TCF3: variants seen among roughly 807,000 people sequenced by gnomAD.
The protein encoded by TCF3 is transcription factor E2-alpha.
A neutral mutation model predicts 72.3 loss-of-function variants in TCF3; 54 were observed. That is an observed-to-expected ratio of 0.75 (90% CI 0.60 to 0.94). The LOEUF is 0.94. Among genes scored for constraint, TCF3 ranks in the 40% least tolerant of loss-of-function variants. The pLI, the probability that TCF3 is intolerant of heterozygous loss-of-function variation, is 0.00. For missense variants in TCF3, 1,078 were observed against 934.4 expected, an observed-to-expected ratio of 1.15 and a Z score of -2.00; for synonymous variants, 525 against 412.6, an observed-to-expected ratio of 1.27 and a Z score of -3.30.
chr19:1,624,951 T>A (rs1027419926), intron 7 of TCF3, among the ~76,000 whole-genome samples: 1 of 152,236 alleles, frequency 6.6e-6, no homozygotes, highest in Admixed American at 6.5e-5. Flanking sequence ...GGTCAAACCA[T>A]CCTCCTGCCT....
chr19:1,619,821 C>T lies in TCF3; in HGVS notation c.1126G>A (p.Gly376Ser), dbSNP rs759970483. 2.0e-5 allele frequency: 32 copies of T among 1,576,618 alleles called. No individual in the cohort carries two copies. The highest frequency in any genetic ancestry group is 1.7e-4 in the Middle Eastern group (1 of 5,738). ...TSQWPRAGAP[G>S]ALSPSYDGGL... is the part of the protein sequence containing the mutation. ...CCGTCGTAGCTGGGCGATAAGGCAC[C>T]GGGGGCTCCTGCTCGAGGCCACTGT... The change falls in exon 14 of 19, where the codon GGT (glycine) becomes AGT (serine). Residue 376 changes from glycine (G) to serine (S), a missense_variant. Gly to Ser is a moderately conservative substitution (Grantham distance 56). Transcript: ENST00000262965.
intron 2 of TCF3, among the ~76,000 whole-genome samples, chr19:1,647,413 A>G (rs986260183): frequency 2.0e-5 from 3 of 152,220 alleles, no homozygotes; most frequent in Admixed American, 6.5e-5. Flanking sequence ...GCCAGCCAGG[A>G]GGCGAAGGCA....
chr19:1,647,220 G>A (rs551952087), intron 2 of TCF3, among the ~76,000 whole-genome samples: 4 of 151,640 alleles, frequency 2.6e-5, no homozygotes, highest in Admixed American at 6.6e-5. Context: ...CGGGCTCAGC[G>A]GCATTAACCG....
chr19:1,624,594 C>T (rs1019687967), intron 7 of TCF3, among the ~76,000 whole-genome samples: 11 of 152,344 alleles, frequency 7.2e-5, no homozygotes, highest in East Asian at 1.9e-4. Context: ...GACTATCCCA[C>T]GCAGTCAGGC....
rs1171355895 is a variant in TCF3 at position 1,650,195 on chromosome 19, G to A, written c.54C>T (p.Asp18=). 8.3e-6 allele frequency: 13 copies of A among 1,572,352 alleles called. No individual in the cohort carries two copies. Among genetic ancestry groups the A allele is most frequent in the African/African-American group, 1.3e-5 (1 of 74,722 alleles). The change falls in exon 2 of 19, where the codon GAC becomes GAT. Residue 18 remains aspartate, a synonymous_variant. Coordinates refer to ENST00000262965, the MANE Select transcript of TCF3 (RefSeq NM_003200.5). ...GGCTCACCATGCTGAAGTCCAGGAG[G>A]TCACTGAGCTCCTTGTCTGTGCCCA... ...APVGTDKELS[D]LLDFSMMFPL...
At chr19:1,644,207 G>T (rs1031040611) in intron 3 of TCF3, among the ~76,000 whole-genome samples, 1 of 152,234 alleles carries the variant, frequency 6.6e-6, no homozygotes, top group Admixed American at 6.5e-5. Context: ...TGAACCTGAC[G>T]ATGGAAGAGA....
At chr19:1,645,513 G>C (rs780014212) in intron 3 of TCF3, among the ~76,000 whole-genome samples, 2 of 151,210 alleles carry the variant, frequency 1.3e-5, no homozygotes, top group Middle Eastern at 3.4e-3. Flanking sequence ...CAGGGCGTCC[G>C]TACGGGCTGC....
At chr19:1,638,251 G>A (rs577449234) in intron 3 of TCF3, among the ~76,000 whole-genome samples, 2 of 152,366 alleles carry the variant, frequency 1.3e-5, no homozygotes, top group African/African-American at 4.8e-5. Context: ...TGACGCAAAA[G>A]ATAGATGCCA....
In TCF3 at chr19:1,619,769, C is replaced by T. The variant is rs563817488; in HGVS notation, c.1167+11G>A. 6.5e-7 allele frequency: 1 copy of T among 1,536,532 alleles called. No individual in the cohort carries two copies. The highest frequency in any genetic ancestry group is 8.8e-7 in the Non-Finnish European group (1 of 1,135,404). ...CGGGGAAGGGTGGGGTGGGGCGGGG[C>T]AGGCACTCACCAGGCCGTGGAGACC... On this transcript the variant is annotated intron_variant, in intron 14 of 18. Transcript: ENST00000262965.
intron 16 of TCF3, among the ~76,000 whole-genome samples, chr19:1,617,668 C>A (rs1599522176): frequency 1.3e-5 from 2 of 152,370 alleles, no homozygotes; most frequent in East Asian, 3.9e-4. Flanking sequence ...CCACCAGGAC[C>A]AGCCCAGGCC....
At position 1,621,857 on chromosome 19, in the gene TCF3, G is replaced by A. The variant is rs377363979; in HGVS notation, c.936C>T (p.Ser312=). 121 of 1,592,104 alleles carry A rather than the reference G, an allele frequency of 7.6e-5. No individual in the cohort carries two copies. The highest frequency in any genetic ancestry group is 1.6e-4 in the African/African-American group (12 of 74,820). The part of the protein sequence containing the change: ...GGVSSHTPPV[S]GADSLLGSRG... ...CCATACCCAGGAGGCTGTCGGCCCCGCTGACAGGCGGCGTGTGGCTGGAGA... is the reference window on the plus strand; with the variant it reads ...CCATACCCAGGAGGCTGTCGGCCCCACTGACAGGCGGCGTGTGGCTGGAGA... The change falls in exon 11 of 19, where the codon AGC becomes AGT. Residue 312 remains serine (S), a synonymous_variant. Transcript: ENST00000262965.
chr19:1,630,011 G>GC (rs764513872), intron 5 of TCF3, among the ~76,000 whole-genome samples: 76 of 152,296 alleles, frequency 5.0e-4, no homozygotes, highest in Middle Eastern at 6.8e-3. Flanking sequence ...TATGGCAAAA[G>GC]CCCCCCGTGC....
In TCF3 at chr19:1,627,556, C is replaced by T. The variant is rs535706356; in HGVS notation, c.299-130G>A. 316 of 779,762 alleles carry T rather than the reference C, an allele frequency of 4.1e-4. 1 individual carries two copies. In the African/African-American group the frequency reaches 4.8e-3, roughly 12 times the overall value. 48.3% of individuals were successfully genotyped at this position (779,762 alleles called of 1,614,324 possible). ...CGACTGAGAGCGCCACGGCAGGATG[C>T]TGGCAGAGCCTGACCCCAGTGTGCC... On this transcript the variant is annotated intron_variant, in intron 5 of 18. Coordinates refer to ENST00000262965, the MANE Select transcript of TCF3 (RefSeq NM_003200.5).
chr19:1,639,751 GAAAAAAAAAAAAA>G (rs10674333), intron 3 of TCF3, among the ~76,000 whole-genome samples: 1 of 54,212 alleles, frequency 1.8e-5, no homozygotes, highest in African/African-American at 7.3e-5. Flanking sequence ...AGGAAATTAG[GAAAAAAAAAAAAA>G]AAAAAAAAAA....
At chr19:1,634,130 G>A (rs1352070266) in intron 3 of TCF3, among the ~76,000 whole-genome samples, 1 of 152,200 alleles carries the variant, frequency 6.6e-6, no homozygotes, top group African/African-American at 2.4e-5. Context: ...TGCCCTTTGG[G>A]GGAACCCTCC....
chr19:1,627,542 G>A (rs2063042763), intron 5 of TCF3, 116 bp from the exon 6 acceptor site: 5 of 901,780 alleles, frequency 5.5e-6, no homozygotes, highest in Admixed American at 2.2e-5. Flanking sequence ...GACTGAGAGC[G>A]CCACGGCAGG....
chr19:1,633,008 A>G (rs1181723719), intron 3 of TCF3, among the ~76,000 whole-genome samples: 1 of 151,560 alleles, frequency 6.6e-6, no homozygotes, highest in Admixed American at 6.6e-5. Flanking sequence ...TCACCCAGGA[A>G]CAAGCCCAGT....
chr19:1,614,684 G>A lies in TCF3; in HGVS notation c.1822+601C>T, dbSNP rs957488969. On this transcript the variant is annotated intron_variant, in intron 18 of 18. Coordinates refer to ENST00000262965, the MANE Select transcript of TCF3 (RefSeq NM_003200.5). This position sits in a 1 kb window ranked among gnomAD's most constrained non-coding sequence, Gnocchi z 5.6. ...AGGAGTTAAGGAAGCAGCCGCCAGCGCCAGCGGGGGGAAGGAGTCAGCTCA... is the reference window on the plus strand; with the variant it reads ...AGGAGTTAAGGAAGCAGCCGCCAGCACCAGCGGGGGGAAGGAGTCAGCTCA... Among the ~76,000 whole-genome samples the A allele has an allele frequency of 3.9e-5, 6 of 152,124 alleles. No homozygotes were observed. Among genetic ancestry groups the A allele is most frequent in the Admixed American group, 1.3e-4 (2 of 15,282 alleles).
intron 5 of TCF3, 43 bp downstream of exon 5, chr19:1,631,995 C>A (rs1352366706): frequency 6.2e-7 from 1 of 1,600,518 alleles, no homozygotes; most frequent in East Asian, 2.3e-5. Flanking sequence ...CACGTCTGCA[C>A]ATCTGTGCAC....
Sources: gnomAD v4.1 joint callset for allele counts (sites outside exome capture counted in the v4.1 genomes callset) on GRCh38, gnomAD v4.1.1 for gene constraint, Gnocchi (gnomAD v3.1) non-coding constraint, MANE v1.5 for transcripts, NCBI Gene and HGNC (gene_info 2026-07-23, HGNC 2026-07-21) for gene names.